Variants in NSMCE2 observed in about 807,000 individuals in gnomAD.
NSMCE2 encodes the protein E3 SUMO-protein ligase NSE2.
NSMCE2 carries 24 observed loss-of-function variants against 23.8 expected under a neutral mutation model. The observed-to-expected ratio is 1.01, with a 90% confidence interval of 0.73 to 1.42. NSMCE2 has a LOEUF of 1.42. Among genes scored for constraint, NSMCE2 ranks in the 40% most tolerant of loss-of-function variants. The pLI is 0.00. For synonymous variants in NSMCE2, 92 were observed against 94.1 expected, an observed-to-expected ratio of 0.98 and a Z score of 0.13; for missense variants, 284 against 296.5, an observed-to-expected ratio of 0.96 and a Z score of 0.31.
At chr8:125,110,342 T>G (rs1484907847) in intron 3 of NSMCE2, among the ~76,000 whole-genome samples, 1 of 152,252 alleles carries the variant, frequency 6.6e-6, no homozygotes, top group African/African-American at 2.4e-5. Flanking sequence ...ATTGCTTTTC[T>G]TTCTGTGATT....
chr8:125,173,689 G>A (rs1822336050), intron 4 of NSMCE2, among the ~76,000 whole-genome samples: 1 of 152,300 alleles, frequency 6.6e-6, no homozygotes, highest in African/African-American at 2.4e-5. Flanking sequence ...CAGAATATGT[G>A]TCTTTTCATA....
intron 5 of NSMCE2, among the ~76,000 whole-genome samples, chr8:125,332,137 A>T (rs1466947214): frequency 6.6e-6 from 1 of 152,184 alleles, no homozygotes; most frequent in Non-Finnish European, 1.5e-5. Flanking sequence ...TCTAAATTTT[A>T]TTTATTATCC....
intron 5 of NSMCE2, among the ~76,000 whole-genome samples, chr8:125,300,107 C>CG (rs1264150653): frequency 6.6e-6 from 1 of 151,076 alleles, no homozygotes; most frequent in Non-Finnish European, 1.5e-5. Flanking sequence ...GCATGAGCCA[C>CG]TACACCTGGA....
chr8:125,304,895 A>G (rs952083546), intron 5 of NSMCE2, among the ~76,000 whole-genome samples: 1 of 150,932 alleles, frequency 6.6e-6, no homozygotes, highest in Non-Finnish European at 1.5e-5. Context: ...AAAAAAAAAA[A>G]GAGAGAGAAA....
At chr8:125,183,616 T>C (rs753188884) in intron 5 of NSMCE2, among the ~76,000 whole-genome samples, 3 of 150,276 alleles carry the variant, frequency 2.0e-5, no homozygotes, top group Middle Eastern at 3.4e-3. Context: ...CTTTTATCCA[T>C]GATATTTATT....
chr8:125,113,697 A>C (rs1403738268), intron 3 of NSMCE2, among the ~76,000 whole-genome samples: 1 of 152,210 alleles, frequency 6.6e-6, no homozygotes, highest in Non-Finnish European at 1.5e-5. Context: ...TGAAATTCAT[A>C]ATTCATTTCC....
intron 5 of NSMCE2, among the ~76,000 whole-genome samples, chr8:125,319,838 A>C (rs1262096986): frequency 6.6e-6 from 1 of 152,170 alleles, no homozygotes; most frequent in Non-Finnish European, 1.5e-5. Context: ...TGTTTTAGTG[A>C]AGTCTCCAAA....
intron 3 of NSMCE2, among the ~76,000 whole-genome samples, chr8:125,110,055 C>T (rs540260355): frequency 1.1e-4 from 16 of 152,060 alleles, no homozygotes; most frequent in African/African-American, 2.9e-4. Flanking sequence ...TTTTAGTAAG[C>T]GCTTTAGGTT....
intron 3 of NSMCE2, among the ~76,000 whole-genome samples, chr8:125,141,579 T>G (rs1162725044): frequency 6.6e-6 from 1 of 152,210 alleles, no homozygotes; most frequent in Non-Finnish European, 1.5e-5. Flanking sequence ...AGGTAATAGG[T>G]GCAGGGTGCC....
rs140283424 is a variant in NSMCE2 at position 125,356,235 on chromosome 8, T to TGG, written c.419-976_419-975dup. The stretch of plus-strand genomic sequence containing the variant: ...TTCTCATTATGTATGTCTGTGTGTA[T>TGG]GGGGGGGGGTGTTCTGGAAATATAA... On this transcript the variant is annotated intron_variant, in intron 5 of 7. Transcript: ENST00000287437. 7.7e-4 allele frequency among the ~76,000 whole-genome samples: 114 copies of TGG among 148,394 alleles called. 1 individual carries two copies. The highest frequency in any genetic ancestry group is 1.2e-3 in the Non-Finnish European group (79 of 67,084).
intron 5 of NSMCE2, among the ~76,000 whole-genome samples, chr8:125,202,056 C>A (rs1823906968): frequency 1.3e-5 from 2 of 152,240 alleles, no homozygotes; most frequent in South Asian, 4.1e-4. Context: ...CTGTTGGTTG[C>A]TAAGACCATG....
chr8:125,341,497 T>G (rs1830242968), intron 5 of NSMCE2, among the ~76,000 whole-genome samples: 1 of 152,174 alleles, frequency 6.6e-6, no homozygotes, highest in Admixed American at 6.5e-5. Flanking sequence ...GATCAACCAG[T>G]CACCCTGCCT....
chr8:125,201,693 T>C (rs1406234833), intron 5 of NSMCE2, among the ~76,000 whole-genome samples: 1 of 152,198 alleles, frequency 6.6e-6, no homozygotes, highest in African/African-American at 2.4e-5. Context: ...CAGAGCTCAG[T>C]CGTTGTGCTG....
intron 4 of NSMCE2, among the ~76,000 whole-genome samples, chr8:125,181,198 T>C (rs578106749): frequency 1.3e-3 from 204 of 152,112 alleles, no homozygotes; most frequent in African/African-American, 4.7e-3. Context: ...GGCTCCTTTT[T>C]TCCCCCAAGG....
At chr8:125,108,240 G>A (rs1266857165) in intron 3 of NSMCE2, among the ~76,000 whole-genome samples, 1 of 152,156 alleles carries the variant, frequency 6.6e-6, no homozygotes, top group Non-Finnish European at 1.5e-5. Context: ...GAAAGCCAAG[G>A]GCAATCACTC....
At chr8:125,157,736 G>A (rs141111188) in intron 4 of NSMCE2, among the ~76,000 whole-genome samples, 39 of 152,240 alleles carry the variant, frequency 2.6e-4, no homozygotes, top group African/African-American at 8.2e-4. Context: ...GATTTTCACC[G>A]TTACCTCATA....
intron 5 of NSMCE2, among the ~76,000 whole-genome samples, chr8:125,293,852 A>G (rs1424736413): frequency 6.6e-6 from 1 of 152,254 alleles, no homozygotes; most frequent in Admixed American, 6.5e-5. Flanking sequence ...AGTGTGCAGT[A>G]GACTGGGTTT....
At chr8:125,324,735 C>A (rs1430420900) in intron 5 of NSMCE2, among the ~76,000 whole-genome samples, 1 of 106,498 alleles carries the variant, frequency 9.4e-6, no homozygotes, top group South Asian at 3.0e-4. Context: ...CCACTACGCC[C>A]GGCTAATTTT....
chr8:125,231,568 T>C (rs1000707773), intron 5 of NSMCE2, among the ~76,000 whole-genome samples: 3 of 152,200 alleles, frequency 2.0e-5, no homozygotes, highest in African/African-American at 7.2e-5. Flanking sequence ...TTTTGCACAC[T>C]ATAGATTGCA....
Sources: gnomAD v4.1 joint callset for allele counts (sites outside exome capture counted in the v4.1 genomes callset) on GRCh38, gnomAD v4.1.1 for gene constraint, MANE v1.5 for transcripts, NCBI Gene and HGNC (gene_info 2026-07-23, HGNC 2026-07-21) for gene names.